Variants in PGAP1 observed in about 807,000 individuals in gnomAD.
PGAP1 encodes post-GPI attachment to proteins inositol deacylase 1, also known as GPI inositol-deacylase.
Under a neutral mutation model 127.0 loss-of-function variants are expected in PGAP1, and 76 were observed. The observed-to-expected ratio is 0.60, with a 90% CI of 0.50 to 0.72. The LOEUF (loss-of-function observed/expected upper bound fraction) is 0.72. Ranked by LOEUF, PGAP1 falls within the 30% of genes least tolerant of loss-of-function variation. The pLI is 0.00. For synonymous variants in PGAP1, 362 were observed against 366.5 expected (o/e 0.99, Z 0.14); for missense variants, 982 against 1,071.3 (o/e 0.92, Z 1.16).
Position 196,847,022 on chromosome 2 carries a change from A to G in PGAP1, c.2131T>C (p.Leu711=), listed in dbSNP as rs1222752234. 3 of 1,613,358 alleles carry G rather than the reference A, an allele frequency of 1.9e-6. No individual in the cohort carries two copies. Among genetic ancestry groups the G allele is most frequent in the Non-Finnish European group, 1.7e-6 (2 of 1,179,574 alleles). ...SSASVRLLSS[L]WLALKRPSEL... ...CTTTACCTTTTCAAAGCTAGCCACAATGAAGAAAGAAGTCTCACAGATGCA... is the reference window on the plus strand; with the variant it reads ...CTTTACCTTTTCAAAGCTAGCCACAGTGAAGAAAGAAGTCTCACAGATGCA... The change falls in exon 22 of 27, where the codon TTG becomes CTG. Residue 711 remains leucine, a synonymous_variant. Transcript: ENST00000354764.
intron 5 of PGAP1, among the ~76,000 whole-genome samples, chr2:196,899,202 G>A (rs1036619221): frequency 2.6e-5 from 4 of 152,078 alleles, no homozygotes; most frequent in African/African-American, 9.7e-5. Flanking sequence ...CACCAGAACT[G>A]TCAAAACCAA....
Position 196,920,010 on chromosome 2 carries a change from TCCAGCA to T in PGAP1, c.282_287del (p.Asn94_Gly96delinsLys). 6.2e-7 allele frequency: 1 copy of T among 1,608,720 alleles called. No individual in the cohort carries two copies. Among genetic ancestry groups the T allele is most frequent in the South Asian group, 1.1e-5 (1 of 89,300 alleles). Reference sequence around the variant, plus strand: ...AGTAAGACTTACCTTGCTTATAACTTCCAGCATTACCAGGAAGAAAGAGAACTGGAA... The same window carrying T: ...AGTAAGACTTACCTTGCTTATAACTTTTACCAGGAAGAAAGAGAACTGGAA... On this transcript the variant is annotated inframe_deletion, in exon 2 of 27. Coordinates refer to ENST00000354764, the MANE Select transcript of PGAP1 (RefSeq NM_024989.4).
intron 12 of PGAP1, among the ~76,000 whole-genome samples, chr2:196,883,473 C>T (rs1425172393): frequency 6.6e-6 from 1 of 152,216 alleles, no homozygotes; most frequent in Non-Finnish European, 1.5e-5. Context: ...AAAAGGGCCA[C>T]ATAAGCCACA....
At chr2:196,921,827 G>A (rs1319000775) in intron 1 of PGAP1, among the ~76,000 whole-genome samples, 2 of 152,088 alleles carry the variant, frequency 1.3e-5, no homozygotes, top group Non-Finnish European at 2.9e-5. Flanking sequence ...AAAAATAAGA[G>A]AGGAGGCAAG....
At position 196,924,584 on chromosome 2, in the gene PGAP1, T is replaced by C. The variant is rs550593004; in HGVS notation, c.147+1886A>G. ...TGAATTAACACAGCTTTTTACATCA[T>C]AAAAACCTGCTAAAAATCAAAAACT... On this transcript the variant is annotated intron_variant, in intron 1 of 26. Transcript: ENST00000354764. 1.7e-4 allele frequency among the ~76,000 whole-genome samples: 26 copies of C among 152,294 alleles called. No individual in the cohort carries two copies. The East Asian group carries it at 4.6e-3, about 27-fold the overall frequency.
intron 14 of PGAP1, among the ~76,000 whole-genome samples, chr2:196,874,910 G>C (rs755607107): frequency 2.0e-5 from 3 of 152,152 alleles, no homozygotes; most frequent in Non-Finnish European, 2.9e-5. Flanking sequence ...TAGCTACTCA[G>C]GAGGCTGAGG....
intron 7 of PGAP1, among the ~76,000 whole-genome samples, chr2:196,896,780 G>T (rs1702289455): frequency 7.5e-6 from 1 of 132,552 alleles, no homozygotes; most frequent in Non-Finnish European, 1.5e-5. Context: ...AGTGAGCCGA[G>T]ATCACGCCAC....
intron 20 of PGAP1, among the ~76,000 whole-genome samples, chr2:196,862,901 A>G (rs919602851): frequency 6.6e-6 from 1 of 152,134 alleles, no homozygotes; most frequent in Non-Finnish European, 1.5e-5. Context: ...CTGGGCAACA[A>G]GAGCAAAACT....
intron 5 of PGAP1, among the ~76,000 whole-genome samples, chr2:196,902,191 G>A (rs561581805): frequency 6.6e-6 from 1 of 152,120 alleles, no homozygotes; most frequent in African/African-American, 2.4e-5. Flanking sequence ...AATTAGCCTG[G>A]CTAATTTTAA....
At position 196,870,991 on chromosome 2, in the gene PGAP1, C is replaced by T. The variant is rs75342998; in HGVS notation, c.1729-12G>A. The T allele has an allele frequency of 7.9e-4, 1,260 of 1,587,500 alleles. 4 individuals are homozygous for T. Among genetic ancestry groups the T allele is most frequent in the East Asian group, 4.3e-4 (19 of 44,538 alleles). On this transcript the variant is annotated splice_polypyrimidine_tract_variant and intron_variant, in intron 18 of 26. Transcript: ENST00000354764. The stretch of plus-strand genomic sequence containing the variant: ...GTCTTAACTGTCACCTAGTTTAAAA[C>T]AATTATTGAAAAAAAAGGTTATTTT...
At chr2:196,844,207 T>A in intron 24 of PGAP1, 132 bp from the exon 25 acceptor site, 1 of 588,254 alleles carries the variant, frequency 1.7e-6, no homozygotes, top group South Asian at 5.0e-5. Context: ...ATCCTGAAAT[T>A]ACTTTGCTTA....
At chr2:196,858,158 T>C (rs907912581) in intron 20 of PGAP1, among the ~76,000 whole-genome samples, 1 of 152,142 alleles carries the variant, frequency 6.6e-6, no homozygotes, top group African/African-American at 2.4e-5. Context: ...TCCCAGCACT[T>C]TGGGAGGCCG....
chr2:196,926,319 A>G, intron 1 of PGAP1, 151 bp downstream of exon 1: 7 of 1,183,892 alleles, frequency 5.9e-6, no homozygotes, highest in Non-Finnish European at 8.3e-6. Context: ...AGGGGGATGC[A>G]GAGTCTCCCC....
intron 5 of PGAP1, among the ~76,000 whole-genome samples, chr2:196,900,678 C>A (rs1443433836): frequency 6.6e-6 from 1 of 152,158 alleles, no homozygotes; most frequent in Non-Finnish European, 1.5e-5. Flanking sequence ...GTAATCCCAG[C>A]ACTTTGGGAG....
intron 13 of PGAP1, among the ~76,000 whole-genome samples, chr2:196,877,231 A>C (rs1701595670): frequency 2.0e-5 from 3 of 152,100 alleles, no homozygotes; most frequent in Admixed American, 6.5e-5. Context: ...TTTCTGTTAC[A>C]AAAAAATGCA....
intron 20 of PGAP1, among the ~76,000 whole-genome samples, chr2:196,856,450 T>A (rs549033471): frequency 6.6e-6 from 1 of 152,252 alleles, no homozygotes; most frequent in African/African-American, 2.4e-5. Flanking sequence ...CTTGATAGAC[T>A]ATACTACTTG....
rs1700375172 is a variant in PGAP1 at position 196,840,478 on chromosome 2, T to G, written c.*756A>C. On this transcript the variant is annotated 3_prime_UTR_variant, in exon 27 of 27. Coordinates refer to ENST00000354764, the MANE Select transcript of PGAP1 (RefSeq NM_024989.4). ...GCTCCAATACCAGGAAGCAAATAGC[T>G]ACGAGCATTTTTTCTTTACATTTAA... 1 of 152,142 alleles carries G rather than the reference T, an allele frequency of 6.6e-6. No individual in the cohort carries two copies. Among genetic ancestry groups the G allele is most frequent in the South Asian group, 2.1e-4 (1 of 4,824 alleles). 9.4% of individuals were successfully genotyped at this position (152,142 alleles called of 1,614,324 possible).
Position 196,916,510 on chromosome 2 carries a change from T to C in PGAP1, c.385A>G (p.Asn129Asp), listed in dbSNP as rs1241461587. Residue 129 changes from asparagine (N) to aspartate (D), a missense_variant, in exon 3 of 27, where the codon AAT becomes GAT. Transcript: ENST00000354764. The stretch of plus-strand genomic sequence containing the variant: ...CCATACAAAGCCACCAGTTCTTCAT[T>C]GAAGTTCACACTAAAGAAGTCAAAG... Reference protein sequence around the residue: ...YHFDFFSVNFNEELVALYGGS... With the variant: ...YHFDFFSVNFDEELVALYGGS... The C allele has an allele frequency of 3.7e-6, 6 of 1,613,678 alleles. No homozygotes were observed. The South Asian group carries it at 6.6e-5, about 18-fold the overall frequency.
rs371193794 is a variant in PGAP1, at chr2:196,844,108, C to T, written c.2338-33G>A. The T allele has an allele frequency of 9.3e-6, 12 of 1,296,220 alleles. No homozygotes were observed. In the African/African-American group the frequency reaches 1.8e-4, roughly 19 times the overall value. The allele number at this position is 1,296,220 out of a possible 1,614,324, so 80.3% of individuals were successfully genotyped here. The stretch of plus-strand genomic sequence containing the variant: ...ACAATAAAGTAGAAATATCAAGACA[C>T]TAAACAAAAGTATATTACTTTATTT... On this transcript the variant is annotated intron_variant, in intron 24 of 26. Transcript: ENST00000354764.
Sources: allele counts gnomAD v4.1 joint callset (sites outside exome capture counted in the v4.1 genomes callset), GRCh38; gene constraint gnomAD v4.1.1; transcripts MANE v1.5; gene names NCBI Gene and HGNC (gene_info 2026-07-23, HGNC 2026-07-21).